Variants in DNAH12 observed in about 807,000 individuals in gnomAD.
DNAH12 encodes axonemal beta dynein heavy chain 12.
DNAH12 carries 285 observed loss-of-function variants against 371.5 expected under a neutral mutation model. The ratio of observed to expected loss-of-function variants is 0.77; its 90% CI spans 0.70 to 0.85. DNAH12 has a LOEUF of 0.85. DNAH12 is among the 40% of genes least tolerant of loss of function. The pLI is 0.00. For missense variants in DNAH12, 3,611 were observed against 3,689.4 expected (o/e 0.98, Z 0.55); for synonymous variants, 1,200 against 1,213.0 (o/e 0.99, Z 0.22).
intron 66 of DNAH12, among the ~76,000 whole-genome samples, chr3:57,311,607 C>G (rs1235295891): frequency 6.6e-6 from 1 of 152,188 alleles, no homozygotes; most frequent in Non-Finnish European, 1.5e-5. Context: ...ATGGTCACAA[C>G]TGTGGTGGGG....
chr3:57,321,193 C>T (rs1190645384), intron 65 of DNAH12, among the ~76,000 whole-genome samples: 1 of 152,104 alleles, frequency 6.6e-6, no homozygotes, highest in Admixed American at 6.6e-5. Context: ...GATTAGACAC[C>T]ATACTATCTT....
intron 69 of DNAH12, among the ~76,000 whole-genome samples, chr3:57,308,254 G>A (rs2061513155): frequency 6.6e-6 from 1 of 152,008 alleles, no homozygotes; most frequent in African/African-American, 2.4e-5. Flanking sequence ...CCTCTCTCTG[G>A]CCTTCCCACC....
At chr3:57,371,946 A>G (rs1324298802) in intron 55 of DNAH12, among the ~76,000 whole-genome samples, 7 of 114,208 alleles carry the variant, frequency 6.1e-5, no homozygotes, top group Non-Finnish European at 1.1e-4. Flanking sequence ...CTCAGCAAAA[A>G]AAAAAAAAAA....
intron 60 of DNAH12, among the ~76,000 whole-genome samples, chr3:57,337,388 G>C (rs781906658): frequency 6.6e-6 from 1 of 152,132 alleles, no homozygotes; most frequent in Non-Finnish European, 1.5e-5. Flanking sequence ...AGCTGGGCAC[G>C]GTGGCTCACG....
chr3:57,443,941 C>T (rs2065392405), intron 29 of DNAH12, among the ~76,000 whole-genome samples: 1 of 152,130 alleles, frequency 6.6e-6, no homozygotes, highest in Non-Finnish European at 1.5e-5. Context: ...CAGTGGCTCA[C>T]ACCTGTGATC....
chr3:57,493,083 C>T (rs146324060), intron 11 of DNAH12, among the ~76,000 whole-genome samples: 1,759 of 152,236 alleles, frequency 0.012, 17 homozygotes, highest in Non-Finnish European at 0.019. Flanking sequence ...GACTTATAGA[C>T]ACTACAGGTT....
At chr3:57,427,935 T>C (rs1369958677) in intron 34 of DNAH12, among the ~76,000 whole-genome samples, 2 of 150,530 alleles carry the variant, frequency 1.3e-5, no homozygotes, top group Non-Finnish European at 3.0e-5. Flanking sequence ...GTTTTGGGGT[T>C]TTTTTTTTTC....
chr3:57,477,890 A>G (rs1332255276), intron 13 of DNAH12, among the ~76,000 whole-genome samples: 1 of 151,948 alleles, frequency 6.6e-6, no homozygotes, highest in Non-Finnish European at 1.5e-5. Flanking sequence ...AAACTAACAA[A>G]CAGAAAGGAC....
rs991008681 is a variant in DNAH12 at position 57,457,930 on chromosome 3, G to A, written c.3127C>T (p.His1043Tyr). 6.4e-7 allele frequency: 1 copy of A among 1,551,498 alleles called. No individual in the cohort carries two copies. The highest frequency in any genetic ancestry group is 1.4e-5 in the African/African-American group (1 of 73,012). Residue 1043 changes from histidine to tyrosine, a missense_variant, in exon 22 of 74, where the codon CAT (histidine) becomes TAT (tyrosine). Coordinates refer to ENST00000495027, the MANE Select transcript of DNAH12 (RefSeq NM_001366028.2). ...ETKDPLRVQP[H>Y]LKKCFEGIAK... ...ATGCCCTCAAAGCATTTTTTTAAATGTGGCTGAACTCTAAGTGGATCTTTG... is the reference window on the plus strand; with the variant it reads ...ATGCCCTCAAAGCATTTTTTTAAATATGGCTGAACTCTAAGTGGATCTTTG...
intron 13 of DNAH12, among the ~76,000 whole-genome samples, chr3:57,482,857 G>A (rs546344103): frequency 2.0e-5 from 3 of 147,460 alleles, no homozygotes; most frequent in African/African-American, 7.6e-5. Flanking sequence ...TCACTCATAG[G>A]TGGGAATTGA....
At chr3:57,417,890 C>A (rs545814548) in intron 37 of DNAH12, among the ~76,000 whole-genome samples, 42 of 152,192 alleles carry the variant, frequency 2.8e-4, no homozygotes, top group African/African-American at 9.9e-4. Flanking sequence ...GTGGCTCAAG[C>A]CTGTAATCCC....
At chr3:57,321,482 G>A (rs546820199) in intron 65 of DNAH12, among the ~76,000 whole-genome samples, 4 of 152,082 alleles carry the variant, frequency 2.6e-5, no homozygotes, top group Non-Finnish European at 5.9e-5. Flanking sequence ...AATGTAACAC[G>A]CTGGACTTTT....
At chr3:57,312,830 G>A (rs2061608196) in intron 66 of DNAH12, among the ~76,000 whole-genome samples, 2 of 152,132 alleles carry the variant, frequency 1.3e-5, no homozygotes, top group Non-Finnish European at 2.9e-5. Flanking sequence ...ATTTTCAAAT[G>A]GACATATTTA....
intron 43 of DNAH12, among the ~76,000 whole-genome samples, chr3:57,396,116 G>A (rs2063731210): frequency 1.3e-5 from 2 of 150,172 alleles, no homozygotes; most frequent in Admixed American, 6.6e-5. Flanking sequence ...CTATCTCTAC[G>A]AAAAATACAA....
chr3:57,526,679 C>T (rs1234006514), intron 2 of DNAH12, among the ~76,000 whole-genome samples: 1 of 152,002 alleles, frequency 6.6e-6, no homozygotes, highest in East Asian at 1.9e-4. Flanking sequence ...GTGTGCACCA[C>T]CACGCCCAGC....
chr3:57,539,065 C>T (rs2069167454), intron 2 of DNAH12, among the ~76,000 whole-genome samples: 1 of 152,168 alleles, frequency 6.6e-6, no homozygotes, highest in Non-Finnish European at 1.5e-5. Context: ...TACTTTCCTC[C>T]TCCACTGTCT....
intron 65 of DNAH12, 103 bp from the exon 66 acceptor site, chr3:57,314,734 C>A: frequency 8.2e-7 from 1 of 1,223,112 alleles, no homozygotes; most frequent in Non-Finnish European, 1.1e-6. Flanking sequence ...ATTCTGTGAT[C>A]ACGTATCTCT....
rs1265253445 is a variant in DNAH12 at position 57,334,467 on chromosome 3, T to C, written c.9976A>G (p.Lys3326Glu). The C allele has an allele frequency of 6.5e-7, 1 of 1,546,306 alleles. No homozygotes were observed. The highest frequency in any genetic ancestry group is 8.7e-7 in the Non-Finnish European group (1 of 1,145,932). The change falls in exon 62 of 74, where the codon AAG (lysine) becomes GAG (glutamate). Residue 3326 changes from lysine (K) to glutamate (E), a missense_variant and splice_region_variant. This residue lies in a region of DNAH12 where 2,266 missense variants were observed against 2,236.9 expected (regional missense o/e 1.01). Coordinates refer to ENST00000495027, the MANE Select transcript of DNAH12 (RefSeq NM_001366028.2). ...IIILRCLRPD[K>E]ITPAITNYVT... ...AATAGAACACATTGGTCTTTTACCT[T>C]ATCAGGTCTTAAACACCGAAGAATT...
intron 41 of DNAH12, 127 bp from the exon 42 acceptor site, chr3:57,405,274 G>C: frequency 6.6e-6 from 5 of 762,118 alleles, no homozygotes; most frequent in Non-Finnish European, 1.0e-5. Flanking sequence ...AGTAAAAAAT[G>C]CACTTATAAA....
Sources: gnomAD v4.1 joint callset for allele counts (sites outside exome capture counted in the v4.1 genomes callset) on GRCh38, gnomAD v4.1.1 for gene constraint, gnomAD v4.1.1 regional missense constraint, MANE v1.5 for transcripts, NCBI Gene and HGNC (gene_info 2026-07-23, HGNC 2026-07-21) for gene names.